C16orf92: variants seen among roughly 807,000 people sequenced by gnomAD.
C16orf92 encodes fertilization-influencing membrane protein 1, also known as fertilization-influencing membrane protein.
In C16orf92, 14 loss-of-function variants were observed where a neutral mutation model predicts 13.7. The ratio of observed to expected loss-of-function variants is 1.02; its 90% CI spans 0.67 to 1.60. The LOEUF (loss-of-function observed/expected upper bound fraction) is 1.60, where lower values mean the gene tolerates loss of function less well. C16orf92 is among the 40% of genes most tolerant of loss of function. The pLI, the probability that C16orf92 is intolerant of heterozygous loss-of-function variation, is 0.00. For missense variants in C16orf92, 116 were observed against 139.0 expected (o/e 0.83, Z 0.83); for synonymous variants, 50 against 57.4 (o/e 0.87, Z 0.58).
downstream of C16orf92, chr16:30,025,752 C>T (rs200718073): frequency 8.1e-6 from 13 of 1,614,134 alleles, no homozygotes; most frequent in Admixed American, 1.0e-4. This position sits in a 1 kb window ranked among gnomAD's most constrained non-coding sequence, Gnocchi z 4.1. Flanking sequence ...CCAAGGCAGA[C>T]GAAGGGCGTG....
chr16:30,027,096 G>T, downstream of C16orf92: 1 of 607,892 alleles, frequency 1.6e-6, no homozygotes. Flanking sequence ...AGTATAGTCG[G>T]GGGAAAAGAA....
chr16:30,023,261 C>T lies in C16orf92; in HGVS notation c.-80C>T. ...GGGGGAGGGGTCCCAGCTCCTAGCA[C>T]TTTCTCCCCTCACCCCAAAGTGCCA... On this transcript the variant is annotated 5_prime_UTR_variant, in exon 1 of 4. Transcript: ENST00000681219. 7.5e-7 allele frequency: 1 copy of T among 1,336,638 alleles called. No individual in the cohort carries two copies. The highest frequency in any genetic ancestry group is 1.0e-6 in the Non-Finnish European group (1 of 954,548). 82.8% of individuals were successfully genotyped at this position (1,336,638 alleles called of 1,614,324 possible).
At chr16:30,025,421 A>T (rs1249966709), downstream of C16orf92, 2 of 1,612,362 alleles carry the variant, frequency 1.2e-6, no homozygotes, top group Non-Finnish European at 1.7e-6. This position sits in a 1 kb window ranked among gnomAD's most constrained non-coding sequence, Gnocchi z 4.1. Flanking sequence ...GCTGAGCAGC[A>T]TCAGGGCCCC....
chr16:30,026,866 G>T (rs763674711), downstream of C16orf92: 4 of 1,600,792 alleles, frequency 2.5e-6, no homozygotes, highest in Middle Eastern at 1.7e-4. Flanking sequence ...GAGACGGGGT[G>T]GGGGAGCAAG....
At chr16:30,023,947 G>T in intron 2 of C16orf92, 52 bp from the exon 3 acceptor site, 1 of 1,593,448 alleles carries the variant, frequency 6.3e-7, no homozygotes, top group South Asian at 1.1e-5. Flanking sequence ...AGCAGCCCCA[G>T]ACCCTTCATT....
Position 30,023,787 on chromosome 16 carries a change from A to G in C16orf92, c.125A>G (p.Asp42Gly), listed in dbSNP as rs1222074900. ...ALGTESPRFL[D>G]RPDFFDYPDS... ...GGGACAGAGTCTCCGCGCTTCTTAG[A>G]CAGACCTGACTTCTTCGATTATCCG... The change falls in exon 2 of 4, where the codon GAC (aspartate) becomes GGC (glycine). Residue 42 changes from aspartate to glycine, a missense_variant. By Grantham distance (94) the Asp-to-Gly change is moderately conservative. Transcript: ENST00000681219. The G allele has an allele frequency of 6.2e-7, 1 of 1,614,124 alleles. No homozygotes were observed. The highest frequency in any genetic ancestry group is 2.2e-5 in the East Asian group (1 of 44,868).
downstream of C16orf92, chr16:30,025,300 C>T (rs138174628): frequency 1.3e-4 from 202 of 1,557,972 alleles, no homozygotes; most frequent in African/African-American, 2.3e-3. This position sits in a 1 kb window ranked among gnomAD's most constrained non-coding sequence, Gnocchi z 4.1. Context: ...GCGCAGCGCC[C>T]AGGTTGACGT....
downstream of C16orf92, chr16:30,027,051 G>A (rs2071175453): frequency 1.5e-6 from 1 of 675,236 alleles, no homozygotes; most frequent in Non-Finnish European, 2.7e-6. Flanking sequence ...TCAAACCTGT[G>A]GTCTCAGAAC....
At position 30,024,647 on chromosome 16, in the gene C16orf92, C is replaced by T; in HGVS notation, c.*420C>T. 1 of 229,974 alleles carries T rather than the reference C, an allele frequency of 4.3e-6. No individual in the cohort carries two copies. The highest frequency in any genetic ancestry group is 9.8e-5 in the East Asian group (1 of 10,224). 14.2% of individuals were successfully genotyped at this position (229,974 alleles called of 1,614,324 possible). On this transcript the variant is annotated 3_prime_UTR_variant, in exon 4 of 4. Coordinates refer to ENST00000681219, the MANE Select transcript of C16orf92 (RefSeq NM_001109659.2). ...GGGGGTAGCAGCCACCTCCTTCCCC[C>T]AACCCAACAGACTAGTTCAAATTTG... is the stretch of plus-strand genomic sequence containing the variant.
Position 30,023,322 on chromosome 16 carries a change from C to G in C16orf92, c.-19C>G. 1.3e-6 allele frequency: 2 copies of G among 1,588,920 alleles called. No homozygotes were observed. The highest frequency in any genetic ancestry group is 1.7e-6 in the Non-Finnish European group (2 of 1,167,630). Reference sequence around the variant, plus strand: ...TCTGGGCTGTGACATCACAGAGCCCCCACCTCATGATAGGAGTCATGAGGC... The same window carrying G: ...TCTGGGCTGTGACATCACAGAGCCCGCACCTCATGATAGGAGTCATGAGGC... On this transcript the variant is annotated 5_prime_UTR_variant, in exon 1 of 4. Coordinates refer to ENST00000681219, the MANE Select transcript of C16orf92 (RefSeq NM_001109659.2).
rs2070972257 is a variant in C16orf92, at chr16:30,024,053, T to C, written c.278T>C (p.Phe93Ser). ...CTGGTGGGCTTGCTGGTGGTGGCGT[T>C]CTTCTTTCTCCTTTTCCAGTTCTGC... is the stretch of plus-strand genomic sequence containing the variant. The part of the protein sequence containing the change: ...HILVGLLVVA[F>S]FFLLFQFCTH... The change falls in exon 3 of 4, where the codon TTC becomes TCC. Residue 93 changes from phenylalanine to serine, a missense_variant. Coordinates refer to ENST00000681219, the MANE Select transcript of C16orf92 (RefSeq NM_001109659.2). 3 of 1,613,672 alleles carry C rather than the reference T, an allele frequency of 1.9e-6. No individual in the cohort carries two copies. Among genetic ancestry groups the C allele is most frequent in the Non-Finnish European group, 2.5e-6 (3 of 1,179,820 alleles).
chr16:30,023,602 C>G lies in C16orf92; in HGVS notation c.65-125C>G, dbSNP rs769738356. The G allele has an allele frequency of 8.4e-6, 13 of 1,556,734 alleles. No individual in the cohort carries two copies. In the Admixed American group the frequency reaches 1.4e-4, roughly 16 times the overall value. On this transcript the variant is annotated intron_variant, in intron 1 of 3. Transcript: ENST00000681219. ...GCACCCAGCTGACCCTGAGGGAAATCAAGACCCTCCACAGCCTCTGCAATA... is the reference window on the plus strand; with the variant it reads ...GCACCCAGCTGACCCTGAGGGAAATGAAGACCCTCCACAGCCTCTGCAATA...
At chr16:30,025,372 G>A (rs1242074178), downstream of C16orf92, 31 of 1,607,012 alleles carry the variant, frequency 1.9e-5, no homozygotes, top group Non-Finnish European at 2.6e-5. The surrounding 1 kb of genome is among the most constrained non-coding windows in gnomAD (Gnocchi z 4.1). Context: ...CGTAGGCCCA[G>A]TACAGGTAGG....
At chr16:30,026,474 A>T, downstream of C16orf92, 1 of 784,246 alleles carries the variant, frequency 1.3e-6, no homozygotes, top group Non-Finnish European at 2.0e-6. Context: ...GCCTGTCCAC[A>T]GCTTTCCCTG....
downstream of C16orf92, chr16:30,027,090 T>C: frequency 1.6e-6 from 1 of 617,358 alleles, no homozygotes; most frequent in Non-Finnish European, 3.0e-6. Flanking sequence ...CTCTGCAGTA[T>C]AGTCGGGGGA....
chr16:30,027,303 G>A (rs77037059), downstream of C16orf92: 2,097 of 398,114 alleles, frequency 5.3e-3, 34 homozygotes, highest in African/African-American at 0.04. Flanking sequence ...TGGGACAGGC[G>A]ATCTTCCAAA....
At chr16:30,027,398 G>A (rs1234759749), downstream of C16orf92, among the ~76,000 whole-genome samples, 1 of 152,204 alleles carries the variant, frequency 6.6e-6, no homozygotes, top group Non-Finnish European at 1.5e-5. Flanking sequence ...AGGTGAAGAA[G>A]TGAGTCACAG....
intron 3 of C16orf92, 42 bp downstream of exon 3, chr16:30,024,128 T>C: frequency 6.2e-7 from 1 of 1,607,552 alleles, no homozygotes; most frequent in East Asian, 2.2e-5. Context: ...CACCACCACC[T>C]TCCTTGGGAG....
chr16:30,025,454 T>C (rs1223224062), downstream of C16orf92: 1 of 1,612,222 alleles, frequency 6.2e-7, no homozygotes, highest in South Asian at 1.1e-5. The surrounding 1 kb of genome is among the most constrained non-coding windows in gnomAD (Gnocchi z 4.1). Flanking sequence ...CAGCAGTGTG[T>C]GCTGCTGCTT....
Sources: allele counts gnomAD v4.1 joint callset (sites outside exome capture counted in the v4.1 genomes callset), GRCh38; gene constraint gnomAD v4.1.1; non-coding constraint Gnocchi (gnomAD v3.1); transcripts MANE v1.5; gene names NCBI Gene and HGNC (gene_info 2026-07-23, HGNC 2026-07-21).